Variants in POU6F2 observed in about 807,000 individuals in gnomAD.
POU6F2 encodes POU class 6 homeobox 2.
POU6F2 carries 31 observed loss-of-function variants against 71.3 expected under a neutral mutation model. That is an observed-to-expected ratio of 0.43 (90% confidence interval 0.33 to 0.59). The LOEUF is 0.59. POU6F2 is among the 20% of genes least tolerant of loss of function. POU6F2 has a pLI of 0.04. For missense variants in POU6F2, 783 were observed against 856.8 expected (o/e 0.91, Z 1.07); for synonymous variants, 347 against 355.7 (o/e 0.98, Z 0.27).
intron 4 of POU6F2, among the ~76,000 whole-genome samples, chr7:39,304,962 A>C (rs1266927280): frequency 6.6e-6 from 1 of 152,240 alleles, no homozygotes; most frequent in African/African-American, 2.4e-5. Context: ...GTATGTTAGA[A>C]GACGCAACAC....
intron 1 of POU6F2, among the ~76,000 whole-genome samples, chr7:39,072,667 CA>C (rs1790908348): frequency 6.6e-6 from 1 of 152,212 alleles, no homozygotes; most frequent in African/African-American, 2.4e-5. Context: ...TTCCATCCAG[CA>C]GTGCCAATCT....
intron 1 of POU6F2, among the ~76,000 whole-genome samples, chr7:39,005,709 G>A (rs1016698281): frequency 2.0e-5 from 3 of 151,968 alleles, no homozygotes; most frequent in Non-Finnish European, 2.9e-5. Flanking sequence ...ACTACTGTCT[G>A]GTTTGGGTTT....
chr7:39,180,030 G>A (rs148712369), intron 2 of POU6F2, among the ~76,000 whole-genome samples: 9 of 152,324 alleles, frequency 5.9e-5, no homozygotes, highest in Non-Finnish European at 1.0e-4. Context: ...GTAGCAGAAG[G>A]AGGGGTGGAC....
chr7:39,132,195 AT>A (rs1215392974), intron 2 of POU6F2, among the ~76,000 whole-genome samples: 2 of 152,198 alleles, frequency 1.3e-5, no homozygotes, highest in Non-Finnish European at 2.9e-5. Context: ...ATCAAATGTA[AT>A]TTGTCTGGTC....
At chr7:39,152,977 C>T (rs1403308304) in intron 2 of POU6F2, among the ~76,000 whole-genome samples, 2 of 152,178 alleles carry the variant, frequency 1.3e-5, no homozygotes, top group Non-Finnish European at 2.9e-5. Context: ...GGCTGCCTGT[C>T]ACTTTGGGTA....
chr7:39,375,715 C>T (rs1437713916), intron 5 of POU6F2, among the ~76,000 whole-genome samples: 2 of 151,986 alleles, frequency 1.3e-5, no homozygotes. Context: ...AACTTTAACA[C>T]AGTCCCCACA....
At chr7:39,060,108 T>C (rs1790624373) in intron 1 of POU6F2, among the ~76,000 whole-genome samples, 1 of 151,928 alleles carries the variant, frequency 6.6e-6, no homozygotes, top group African/African-American at 2.4e-5. Context: ...CTCGAGAGGC[T>C]GAGGCAGGAG....
At chr7:39,086,122 C>A in intron 2 of POU6F2, 91 bp downstream of exon 2, 1 of 1,213,172 alleles carries the variant, frequency 8.2e-7, no homozygotes, top group South Asian at 1.6e-5. Context: ...TTCTGTTGTT[C>A]ATTCAGTTTT....
At chr7:39,384,225 A>G (rs1266952448) in intron 5 of POU6F2, among the ~76,000 whole-genome samples, 2 of 152,202 alleles carry the variant, frequency 1.3e-5, no homozygotes, top group South Asian at 2.1e-4. Flanking sequence ...AAAATAATAG[A>G]TACTCTGTCC....
At chr7:39,022,666 T>C (rs1048933672) in intron 1 of POU6F2, among the ~76,000 whole-genome samples, 36 of 152,170 alleles carry the variant, frequency 2.4e-4, no homozygotes, top group Non-Finnish European at 4.4e-5. Flanking sequence ...ATCTGTGATA[T>C]TCATTGTTTT....
chr7:39,406,590 C>T lies in POU6F2; in HGVS notation c.973-10C>T, dbSNP rs376549423. ...GGTGGTTTTCACGGTGATCTTTTCT[C>T]TCTTTGCAGCTGGTTAATAATCCAC... On this transcript the variant is annotated splice_polypyrimidine_tract_variant and intron_variant, in intron 5 of 9. Coordinates refer to ENST00000518318, the MANE Select transcript of POU6F2 (RefSeq NM_001370959.1). The T allele has an allele frequency of 5.6e-6, 9 of 1,612,052 alleles. No individual in the cohort carries two copies. In the South Asian group the frequency reaches 6.6e-5, roughly 12 times the overall value.
chr7:39,342,942 CTT>C (rs1785950244), intron 5 of POU6F2, among the ~76,000 whole-genome samples: 2 of 152,062 alleles, frequency 1.3e-5, no homozygotes, highest in Non-Finnish European at 1.5e-5. Flanking sequence ...AGGGGGATCA[CTT>C]TGTTTATTAA....
At position 39,460,984 on chromosome 7, in the gene POU6F2, C is replaced by A. The variant is rs1788936196; in HGVS notation, c.1658+269C>A. On this transcript the variant is annotated intron_variant, in intron 9 of 9. Transcript: ENST00000518318. The surrounding 1 kb of genome is among the most constrained non-coding windows in gnomAD (Gnocchi z 4.4). ...AAATACACTACCCCAGGGTCAGGGG[C>A]CTTCCTCCTGGGCCCACACTCCTAT... Among the ~76,000 whole-genome samples, 2 of 152,138 alleles carry A rather than the reference C, an allele frequency of 1.3e-5. No individual in the cohort carries two copies. The highest frequency in any genetic ancestry group is 1.3e-4 in the Admixed American group (2 of 15,284).
At chr7:39,361,194 C>T (rs1786382229) in intron 5 of POU6F2, among the ~76,000 whole-genome samples, 2 of 152,208 alleles carry the variant, frequency 1.3e-5, no homozygotes, top group Non-Finnish European at 2.9e-5. Flanking sequence ...AGATTGGCTG[C>T]ATAAATGTAG....
chr7:39,307,876 A>T (rs4442035), intron 4 of POU6F2, among the ~76,000 whole-genome samples: 69,309 of 151,464 alleles, frequency 0.46, 16,671 homozygotes, highest in Admixed American at 0.59. Flanking sequence ...AATCCCTTGA[A>T]CCCAGGAGAT....
chr7:39,267,191 C>T (rs996817182), intron 4 of POU6F2, among the ~76,000 whole-genome samples: 22 of 152,194 alleles, frequency 1.4e-4, no homozygotes, highest in Admixed American at 6.5e-4. Flanking sequence ...AATAGAACTA[C>T]GGGAGGAGGC....
chr7:39,019,694 C>T (rs1258771772), intron 1 of POU6F2, among the ~76,000 whole-genome samples: 1 of 148,724 alleles, frequency 6.7e-6, no homozygotes, highest in Non-Finnish European at 1.5e-5. Flanking sequence ...TTGACTTTTC[C>T]ATGTAGTGTT....
chr7:39,353,393 A>G (rs1786182454), intron 5 of POU6F2, among the ~76,000 whole-genome samples: 1 of 152,258 alleles, frequency 6.6e-6, no homozygotes, highest in Admixed American at 6.5e-5. Context: ...GGGTTAAACT[A>G]TTATGTACAT....
intron 7 of POU6F2, among the ~76,000 whole-genome samples, chr7:39,437,022 C>T (rs1446345101): frequency 6.6e-6 from 1 of 152,146 alleles, no homozygotes; most frequent in East Asian, 1.9e-4. Context: ...ATTTGGTTTG[C>T]CAGTATTTTA....
Sources: allele counts gnomAD v4.1 joint callset (sites outside exome capture counted in the v4.1 genomes callset), GRCh38; gene constraint gnomAD v4.1.1; non-coding constraint Gnocchi (gnomAD v3.1); transcripts MANE v1.5; gene names NCBI Gene and HGNC (gene_info 2026-07-23, HGNC 2026-07-21).